PLPP1: variants seen among roughly 807,000 people sequenced by gnomAD.
The protein encoded by PLPP1 is lipid phosphate phosphohydrolase 1a.
PLPP1 carries 24 observed loss-of-function variants against 31.2 expected under a neutral mutation model. The observed-to-expected ratio is 0.77, with a 90% CI of 0.56 to 1.08. The LOEUF (loss-of-function observed/expected upper bound fraction) is 1.08, where lower values mean the gene tolerates loss of function less well. Among genes scored for constraint, PLPP1 ranks in the 50% least tolerant of loss-of-function variants. The pLI, the probability that PLPP1 is intolerant of heterozygous loss-of-function variation, is 0.00. For synonymous variants in PLPP1, 146 were observed against 126.3 expected, an observed-to-expected ratio of 1.16 and a Z score of -1.05; for missense variants, 319 against 342.7, an observed-to-expected ratio of 0.93 and a Z score of 0.55.
chr5:55,522,499 C>A (rs1753691743), intron 1 of PLPP1, among the ~76,000 whole-genome samples: 1 of 152,158 alleles, frequency 6.6e-6, no homozygotes, highest in Admixed American at 6.5e-5. Flanking sequence ...TGACCTCAAG[C>A]AATCCTCCTG....
chr5:55,497,106 T>C (rs956694042), intron 1 of PLPP1, among the ~76,000 whole-genome samples: 9 of 152,256 alleles, frequency 5.9e-5, no homozygotes, highest in African/African-American at 2.2e-4. Context: ...ATGAATATTA[T>C]GCTACACAAC....
At chr5:55,444,743 TTGTGTGTG>T (rs1554037412) in intron 3 of PLPP1, among the ~76,000 whole-genome samples, 1 of 137,268 alleles carries the variant, frequency 7.3e-6, no homozygotes, top group Non-Finnish European at 1.6e-5. Flanking sequence ...GGATTCTATT[TTGTGTGTG>T]TGTGTGTGTG....
At chr5:55,467,771 A>C in intron 3 of PLPP1, 98 bp downstream of exon 3, 1 of 1,307,694 alleles carries the variant, frequency 7.6e-7, no homozygotes, top group African/African-American at 1.5e-5. Flanking sequence ...GATAACACTA[A>C]CTTCTCTTTT....
chr5:55,426,195 G>A (rs1276149167), intron 4 of PLPP1, among the ~76,000 whole-genome samples, 156 bp from the exon 5 acceptor site: 1 of 152,174 alleles, frequency 6.6e-6, no homozygotes, highest in Non-Finnish European at 1.5e-5. Flanking sequence ...TTACCTAAAT[G>A]TTAATCCTTT....
chr5:55,492,143 T>A (rs1054673350), intron 1 of PLPP1, among the ~76,000 whole-genome samples: 1 of 152,206 alleles, frequency 6.6e-6, no homozygotes, highest in African/African-American at 2.4e-5. Flanking sequence ...AAATTTACCA[T>A]GCTTTTAGGC....
At chr5:55,451,349 T>C (rs1751887843) in intron 3 of PLPP1, among the ~76,000 whole-genome samples, 1 of 152,128 alleles carries the variant, frequency 6.6e-6, no homozygotes, top group Non-Finnish European at 1.5e-5. Flanking sequence ...ATTATGCCAA[T>C]ACAGAAATTT....
In PLPP1 at chr5:55,482,747, C is replaced by A. The variant is rs190325972; in HGVS notation, c.59-7297G>T. 3.1e-3 allele frequency among the ~76,000 whole-genome samples: 473 copies of A among 152,230 alleles called. 4 individuals are homozygous for A. The highest frequency in any genetic ancestry group is 6.8e-3 in the Middle Eastern group (2 of 294). On this transcript the variant is annotated intron_variant, in intron 1 of 5. Coordinates refer to ENST00000307259, the MANE Select transcript of PLPP1 (RefSeq NM_003711.4). ...GCAGGGTAAAATTCTAAAGCCACTT[C>A]GCCATAAGAACACTTTACTTATATA...
chr5:55,445,620 C>T (rs1751747144), intron 3 of PLPP1, among the ~76,000 whole-genome samples: 1 of 148,108 alleles, frequency 6.8e-6, no homozygotes, highest in South Asian at 2.1e-4. Flanking sequence ...TCTGAGCTCA[C>T]TGCAACCTCC....
intron 1 of PLPP1, among the ~76,000 whole-genome samples, chr5:55,508,389 C>T (rs1753330674): frequency 6.6e-6 from 1 of 152,162 alleles, no homozygotes; most frequent in African/African-American, 2.4e-5. Flanking sequence ...TCATTTAATT[C>T]TCATAATTCT....
chr5:55,530,484 G>T (rs1740625196), intron 1 of PLPP1: 1 of 1,216,258 alleles, frequency 8.2e-7, no homozygotes, highest in Non-Finnish European at 1.2e-6. Context: ...ATCAGATGTG[G>T]ATGTTTCACT....
chr5:55,437,253 G>GTT (rs1373047409), intron 4 of PLPP1, among the ~76,000 whole-genome samples: 3 of 152,046 alleles, frequency 2.0e-5, no homozygotes, highest in Non-Finnish European at 4.4e-5. Flanking sequence ...ATAAATAATC[G>GTT]TTGAACGAGA....
intron 1 of PLPP1, among the ~76,000 whole-genome samples, chr5:55,511,650 GTTTTTTTTTTTTTTT>G (rs1158182340): frequency 1.2e-4 from 6 of 51,496 alleles, no homozygotes; most frequent in Middle Eastern, 0.013. Flanking sequence ...CACGTGTTGA[GTTTTTTTTTTTTTTT>G]TTTTTTTTTT....
At chr5:55,438,269 A>T (rs538541747) in intron 4 of PLPP1, among the ~76,000 whole-genome samples, 1 of 152,318 alleles carries the variant, frequency 6.6e-6, no homozygotes, top group Admixed American at 6.5e-5. Context: ...TAAGCATATA[A>T]ACTGGCTATG....
chr5:55,530,389 T>C lies in PLPP1; in HGVS notation c.58+4183A>G, dbSNP rs114512653. ...TTAGAGTGATCCAGTAAACGCTCTC[T>C]GGTAAAATTTGATTCTTGACACAGG... On this transcript the variant is annotated intron_variant, in intron 1 of 5. Transcript: ENST00000307259. The C allele has an allele frequency of 1.3e-3, 1,684 of 1,299,418 alleles. 26 individuals are homozygous for C. The African/African-American group carries it at 0.02, about 16-fold the overall frequency. 80.5% of individuals were successfully genotyped at this position (1,299,418 alleles called of 1,614,324 possible).
chr5:55,501,998 A>G (rs1391499456), intron 1 of PLPP1, among the ~76,000 whole-genome samples: 1 of 152,224 alleles, frequency 6.6e-6, no homozygotes, highest in East Asian at 1.9e-4. Flanking sequence ...GATCATTATA[A>G]AAGAGTGGCA....
intron 1 of PLPP1, among the ~76,000 whole-genome samples, chr5:55,510,360 C>T (rs1203121636): frequency 6.6e-6 from 1 of 152,196 alleles, no homozygotes. Context: ...GAGAACACAT[C>T]ACTGTTTGCC....
At chr5:55,482,888 C>CA (rs1178719200) in intron 1 of PLPP1, among the ~76,000 whole-genome samples, 1 of 152,190 alleles carries the variant, frequency 6.6e-6, no homozygotes, top group Non-Finnish European at 1.5e-5. Flanking sequence ...AATTATACCT[C>CA]AGTTACCTGC....
At chr5:55,512,507 AAAAGAAAAGAAAG>A (rs1353670745) in intron 1 of PLPP1, among the ~76,000 whole-genome samples, 115 of 13,600 alleles carry the variant, frequency 8.5e-3, no homozygotes, top group African/African-American at 0.019. Context: ...AAAAGAAAAG[AAAAGAAAAGAAAG>A]AAAGAAAGAA....
chr5:55,475,216 A>G, intron 2 of PLPP1, 83 bp downstream of exon 2: 1 of 1,202,816 alleles, frequency 8.3e-7, no homozygotes, highest in East Asian at 2.7e-5. Context: ...TTGGAGGATT[A>G]CACATTTAAG....
Sources: allele counts gnomAD v4.1 joint callset (sites outside exome capture counted in the v4.1 genomes callset), GRCh38; gene constraint gnomAD v4.1.1; transcripts MANE v1.5; gene names NCBI Gene and HGNC (gene_info 2026-07-23, HGNC 2026-07-21).